AP3D1: variants seen among roughly 807,000 people sequenced by gnomAD.
AP3D1 encodes the protein adaptor related protein complex 3 subunit delta 1, also known as AP-3 complex subunit delta-1.
A neutral mutation model predicts 147.6 loss-of-function variants in AP3D1; 51 were observed. The ratio of observed to expected loss-of-function variants is 0.35; its 90% CI spans 0.28 to 0.44. The LOEUF is 0.44. AP3D1 is among the 20% of genes least tolerant of loss of function. The pLI is 1.00. For missense variants in AP3D1, 1,421 were observed against 1,624.2 expected (o/e 0.87, Z 2.15); for synonymous variants, 760 against 663.0 (o/e 1.15, Z -2.25).
chr19:2,112,055 G>A (rs529440231), intron 24 of AP3D1: 45 of 631,286 alleles, frequency 7.1e-5, no homozygotes, highest in Admixed American at 1.5e-4. Flanking sequence ...AAAGCAGCCC[G>A]GGGAACAGTC....
At position 2,120,889 on chromosome 19, in the gene AP3D1, G is replaced by A. The variant is rs1464055059; in HGVS notation, c.1454C>T (p.Ala485Val). The change falls in exon 14 of 32, where the codon GCC becomes GTC. Residue 485 changes from alanine (A) to valine (V), a missense_variant. Transcript: ENST00000643116. ...RNGICEVLYA[A>V]AWICGEFSEH... ...TGAGAACTCCCCGCAGATCCAGGCG[G>A]CAGCGTACAGCACCTCACAGATCCC... is the stretch of plus-strand genomic sequence containing the variant. The A allele has an allele frequency of 5.6e-6, 9 of 1,610,086 alleles. No individual in the cohort carries two copies. In the Admixed American group the frequency reaches 1.3e-4, roughly 24 times the overall value.
At chr19:2,106,738 T>C (rs1012057721) in intron 31 of AP3D1, among the ~76,000 whole-genome samples, 1 of 152,090 alleles carries the variant, frequency 6.6e-6, no homozygotes. Flanking sequence ...AAGGGAATCC[T>C]GACAGAGGCT....
In AP3D1 at chr19:2,120,871, TC is replaced by T; in HGVS notation, c.1471del (p.Glu491SerfsTer114). On this transcript the variant is annotated frameshift_variant, in exon 14 of 32. Transcript: ENST00000643116. LOFTEE classifies it high-confidence loss of function. ...VLYAAAWICGEFSEHLQEPHH... is the reference protein window; with the variant it reads ...VLYAAAWICGXFSEHLQEPHH... Reference sequence around the variant, plus strand: ...CCCAGCGCCCACTCACTCTGAGAACTCCCCGCAGATCCAGGCGGCAGCGTAC... The same window carrying T: ...CCCAGCGCCCACTCACTCTGAGAACTCCCGCAGATCCAGGCGGCAGCGTAC... The T allele has an allele frequency of 6.2e-7, 1 of 1,608,120 alleles. No individual in the cohort carries two copies.
rs570481930 is a variant in AP3D1 at position 2,148,693 on chromosome 19, C to T, written c.96+2546G>A. On this transcript the variant is annotated intron_variant, in intron 1 of 31. Coordinates refer to ENST00000643116, the MANE Select transcript of AP3D1 (RefSeq NM_001261826.3). ...GAGCAGGGGGCTCTAGATGGGCCGCCCCATGAAGTCAGCCAGTCAGCCCAA... is the reference window on the plus strand; with the variant it reads ...GAGCAGGGGGCTCTAGATGGGCCGCTCCATGAAGTCAGCCAGTCAGCCCAA... Among the ~76,000 whole-genome samples, 6 of 152,264 alleles carry T rather than the reference C, an allele frequency of 3.9e-5. 1 individual carries two copies. The South Asian group carries it at 1.2e-3, about 32-fold the overall frequency.
chr19:2,118,645 GC>G lies in AP3D1; in HGVS notation c.1668del (p.Leu557CysfsTer48). On this transcript the variant is annotated frameshift_variant, in exon 15 of 32. Coordinates refer to ENST00000643116, the MANE Select transcript of AP3D1 (RefSeq NM_001261826.3). LOFTEE classifies it high-confidence loss of function. ...AQAVTQLMVD[R>X]LPQFVQSADL... is the part of the protein sequence containing the mutation. ...TCTGCGCTCTGCACAAACTGGGGCA[GC>G]CGGTCCACCATGAGCTGGGTGACGG... is the stretch of plus-strand genomic sequence containing the variant. 6.2e-7 allele frequency: 1 copy of G among 1,612,382 alleles called. No homozygotes were observed.
Position 2,138,662 on chromosome 19 carries a change from T to C in AP3D1, c.149A>G (p.Asp50Gly). The C allele has an allele frequency of 6.2e-7, 1 of 1,614,002 alleles. No individual in the cohort carries two copies. Among genetic ancestry groups the C allele is most frequent in the Non-Finnish European group, 8.5e-7 (1 of 1,180,002 alleles). ...IDEIKQELKQ[D>G]NIAVKANAVC... is the part of the protein sequence containing the mutation. Reference sequence around the variant, plus strand: ...CGCGTTCGCCTTCACCGCTATGTTGTCCTGCTTCAGCTCCTGCTTGATCTC... The same window carrying C: ...CGCGTTCGCCTTCACCGCTATGTTGCCCTGCTTCAGCTCCTGCTTGATCTC... The change falls in exon 2 of 32, where the codon GAC (aspartate) becomes GGC (glycine). Residue 50 changes from aspartate to glycine, a missense_variant. By Grantham distance (94) the Asp-to-Gly change is moderately conservative (BLOSUM62 -1). This residue lies in a region of AP3D1 where 292 missense variants were observed against 412.0 expected (regional missense o/e 0.71). Transcript: ENST00000643116.
chr19:2,117,725 A>G (rs930234841), intron 15 of AP3D1, among the ~76,000 whole-genome samples: 16 of 152,246 alleles, frequency 1.1e-4, no homozygotes, highest in African/African-American at 3.9e-4. Flanking sequence ...CAGGCTGGGC[A>G]GCTCCAACAG....
intron 31 of AP3D1, among the ~76,000 whole-genome samples, chr19:2,108,141 T>C (rs1393183041): frequency 6.6e-6 from 1 of 152,198 alleles, no homozygotes; most frequent in Non-Finnish European, 1.5e-5. Flanking sequence ...CACACTCTAC[T>C]GCACGTCTGA....
At chr19:2,108,973 C>A in intron 30 of AP3D1, 113 bp downstream of exon 30, 2 of 1,526,082 alleles carry the variant, frequency 1.3e-6, no homozygotes, top group South Asian at 1.2e-5. Flanking sequence ...CACCCGGGAT[C>A]CCAAAGGGTG....
chr19:2,137,915 C>A, intron 2 of AP3D1, 108 bp from the exon 3 acceptor site: 7 of 901,668 alleles, frequency 7.8e-6, no homozygotes, highest in East Asian at 2.7e-5. Flanking sequence ...GGAACAGACT[C>A]ATTCACTGTC....
chr19:2,147,779 A>G (rs2019399174), intron 1 of AP3D1, among the ~76,000 whole-genome samples: 2 of 150,644 alleles, frequency 1.3e-5, no homozygotes, highest in South Asian at 4.2e-4. Context: ...CTGTTGTCCC[A>G]GCTGCTTGGG....
At chr19:2,140,036 A>T (rs982213034) in intron 1 of AP3D1, among the ~76,000 whole-genome samples, 1 of 152,094 alleles carries the variant, frequency 6.6e-6, no homozygotes, top group Non-Finnish European at 1.5e-5. Context: ...TGTACAATGG[A>T]AAGAGTGCCA....
intron 4 of AP3D1, chr19:2,133,536 A>G (rs1327806518): frequency 6.6e-6 from 1 of 150,714 alleles, no homozygotes; most frequent in Admixed American, 6.6e-5. Context: ...GACGAGTCTC[A>G]CTCTGTCCCC....
chr19:2,148,591 C>A (rs1262706019), intron 1 of AP3D1, among the ~76,000 whole-genome samples: 1 of 152,218 alleles, frequency 6.6e-6, no homozygotes, highest in African/African-American at 2.4e-5. Context: ...CAGAAAACCG[C>A]GTGTCACTGC....
rs537645905 is a variant in AP3D1 at position 2,101,894 on chromosome 19, C to T, written c.*279G>A. ...ACATTCAAGGACTCGGCCCCCAGCG[C>T]GGGGCAGGGCACAGACCCAGGTGGG... On this transcript the variant is annotated 3_prime_UTR_variant, in exon 32 of 32. Transcript: ENST00000643116. 1.2e-5 allele frequency: 5 copies of T among 428,106 alleles called. No homozygotes were observed. Among genetic ancestry groups the T allele is most frequent in the Non-Finnish European group, 1.7e-5 (4 of 235,724 alleles). 26.5% of individuals were successfully genotyped at this position (428,106 alleles called of 1,614,324 possible). A position where few individuals can be genotyped will look rare whatever the true frequency, so the allele number is the denominator to read the frequency against.
intron 4 of AP3D1, among the ~76,000 whole-genome samples, chr19:2,134,572 TAAA>T (rs2019030053): frequency 6.9e-6 from 1 of 143,990 alleles, no homozygotes; most frequent in Non-Finnish European, 1.5e-5. Context: ...CTGTCTGTAC[TAAA>T]AATACCCTAA....
chr19:2,114,334 C>T (rs1229311779), intron 21 of AP3D1, 32 bp from the exon 22 acceptor site: 3 of 1,563,244 alleles, frequency 1.9e-6, no homozygotes, highest in Non-Finnish European at 2.6e-6. Flanking sequence ...CACACATCAG[C>T]ACCACTGGCC....
At chr19:2,115,490 C>A in intron 19 of AP3D1, 48 bp downstream of exon 19, 1 of 1,610,646 alleles carries the variant, frequency 6.2e-7, no homozygotes, top group South Asian at 1.1e-5. Flanking sequence ...CGGGAGCACC[C>A]CACAGCCCAT....
intron 29 of AP3D1, chr19:2,109,489 TG>T: frequency 6.0e-6 from 3 of 498,242 alleles, no homozygotes; most frequent in Admixed American, 3.6e-5. Context: ...AGGAAGGGAC[TG>T]GGGGGATAGG....
Sources: gnomAD v4.1 joint callset for allele counts (sites outside exome capture counted in the v4.1 genomes callset) on GRCh38, gnomAD v4.1.1 for gene constraint, gnomAD v4.1.1 regional missense constraint, MANE v1.5 for transcripts, NCBI Gene and HGNC (gene_info 2026-07-23, HGNC 2026-07-21) for gene names.